CADM1: variants seen among roughly 807,000 people sequenced by gnomAD.
CADM1 encodes cell adhesion molecule 1.
In CADM1, 15 loss-of-function variants were observed where a neutral mutation model predicts 53.1. That is an observed-to-expected ratio of 0.28 (90% CI 0.19 to 0.44). CADM1 has a LOEUF of 0.44. Ranked by LOEUF, CADM1 falls within the 20% of genes least tolerant of loss-of-function variation. CADM1 has a pLI of 1.00. For synonymous variants in CADM1, 281 were observed against 243.0 expected, an observed-to-expected ratio of 1.16 and a Z score of -1.45; for missense variants, 434 against 611.3, an observed-to-expected ratio of 0.71 and a Z score of 3.06.
chr11:115,218,759 T>C (rs1431701867), intron 5 of CADM1, among the ~76,000 whole-genome samples: 1 of 152,142 alleles, frequency 6.6e-6, no homozygotes, highest in African/African-American at 2.4e-5. Context: ...AAGCCAGGTA[T>C]AGCTTCCTAA....
intron 5 of CADM1, among the ~76,000 whole-genome samples, chr11:115,224,490 T>C (rs955030940): frequency 1.6e-4 from 24 of 152,250 alleles, no homozygotes; most frequent in African/African-American, 5.8e-4. Context: ...TTTTCAAAAC[T>C]CATCTCTGAG....
chr11:115,265,138 A>C (rs145803987), intron 1 of CADM1, among the ~76,000 whole-genome samples: 1 of 152,316 alleles, frequency 6.6e-6, no homozygotes, highest in East Asian at 1.9e-4. Context: ...CCCCTTCTTG[A>C]ATATACACAC....
rs918879083 is a variant in CADM1, at chr11:115,384,979, T to G, written c.124+119292A>C. The stretch of plus-strand genomic sequence containing the variant: ...AGCTAAAAGACATTTACCATCCATC[T>G]TTCTTAACATTCCTAATCTAAATAG... On this transcript the variant is annotated intron_variant, in intron 1 of 11. Coordinates refer to ENST00000331581, the MANE Select transcript of CADM1 (RefSeq NM_001301043.2). Among the ~76,000 whole-genome samples, 15 of 152,320 alleles carry G rather than the reference T, an allele frequency of 9.8e-5. No homozygotes were observed. The East Asian group carries it at 2.9e-3, about 29-fold the overall frequency.
At chr11:115,445,988 A>G (rs1441433373) in intron 1 of CADM1, among the ~76,000 whole-genome samples, 3 of 152,248 alleles carry the variant, frequency 2.0e-5, no homozygotes, top group African/African-American at 7.2e-5. Context: ...TAAAGATTCA[A>G]CTTGGAAAGG....
chr11:115,194,692 G>A (rs1940064632), intron 9 of CADM1, among the ~76,000 whole-genome samples: 1 of 151,982 alleles, frequency 6.6e-6, no homozygotes, highest in African/African-American at 2.4e-5. Flanking sequence ...AGAGAGAGAC[G>A]GAGACAGAGA....
intron 1 of CADM1, among the ~76,000 whole-genome samples, chr11:115,350,228 C>T (rs1320717900): frequency 6.6e-6 from 1 of 152,248 alleles, no homozygotes; most frequent in Non-Finnish European, 1.5e-5. Flanking sequence ...GCCTCAGCCT[C>T]CCAAAGTTCT....
Position 115,173,571 on chromosome 11 carries a change from A to C in CADM1, c.*2903T>G, listed in dbSNP as rs1938874124. 2 of 185,732 alleles carry C rather than the reference A, an allele frequency of 1.1e-5. No individual in the cohort carries two copies. The highest frequency in any genetic ancestry group is 2.0e-5 in the Non-Finnish European group (2 of 98,676). The allele number at this position is 185,732 out of a possible 1,614,324, so 11.5% of individuals were successfully genotyped here. On this transcript the variant is annotated 3_prime_UTR_variant, in exon 12 of 12. Coordinates refer to ENST00000331581, the MANE Select transcript of CADM1 (RefSeq NM_001301043.2). ...AGGAGGAAGCTGGGACCAGAGGCCC[A>C]TCTCTTCTCTCACTCGGAGGCGTCC...
At chr11:115,472,469 G>C (rs1949038942) in intron 1 of CADM1, among the ~76,000 whole-genome samples, 2 of 152,184 alleles carry the variant, frequency 1.3e-5, no homozygotes, top group African/African-American at 2.4e-5. Flanking sequence ...GTGTGTGTGA[G>C]AGAGAGTGCA....
intron 1 of CADM1, among the ~76,000 whole-genome samples, chr11:115,464,508 A>C (rs1173308580): frequency 6.6e-6 from 1 of 152,188 alleles, no homozygotes; most frequent in African/African-American, 2.4e-5. Context: ...CCCACAATCC[A>C]CATCTGCAGT....
At chr11:115,214,847 C>T (rs1941111057) in intron 6 of CADM1, 67 bp from the exon 7 acceptor site, 1 of 1,424,338 alleles carries the variant, frequency 7.0e-7, no homozygotes, top group South Asian at 1.1e-5. Context: ...TGCTCACCCA[C>T]ATGCAGGGTG....
intron 10 of CADM1, among the ~76,000 whole-genome samples, chr11:115,186,440 C>G (rs1031825615): frequency 1.3e-5 from 2 of 152,086 alleles, no homozygotes; most frequent in African/African-American, 2.4e-5. Context: ...TCCCCGGGTG[C>G]GCACAGTGAA....
intron 1 of CADM1, among the ~76,000 whole-genome samples, chr11:115,330,781 T>C (rs1325151413): frequency 6.6e-6 from 1 of 152,096 alleles, no homozygotes; most frequent in Non-Finnish European, 1.5e-5. Flanking sequence ...TGGAAGCAGG[T>C]GCAAATCCTG....
chr11:115,473,001 A>G (rs903227299), intron 1 of CADM1, among the ~76,000 whole-genome samples: 5 of 152,220 alleles, frequency 3.3e-5, no homozygotes, highest in Admixed American at 3.3e-4. Flanking sequence ...AAGCAAAATA[A>G]CTAAGGTAAG....
intron 1 of CADM1, among the ~76,000 whole-genome samples, chr11:115,255,904 T>C (rs1414701722): frequency 6.6e-6 from 1 of 152,186 alleles, no homozygotes; most frequent in East Asian, 1.9e-4. Flanking sequence ...GCTAGCTGAC[T>C]GTAACCAATG....
At chr11:115,395,264 A>T (rs1430693831) in intron 1 of CADM1, among the ~76,000 whole-genome samples, 2 of 152,344 alleles carry the variant, frequency 1.3e-5, no homozygotes, top group Non-Finnish European at 2.9e-5. Context: ...ACAGAAAACA[A>T]ACAAATTCTT....
At chr11:115,275,441 T>C (rs542806701) in intron 1 of CADM1, among the ~76,000 whole-genome samples, 10 of 152,332 alleles carry the variant, frequency 6.6e-5, no homozygotes, top group African/African-American at 1.4e-4. Flanking sequence ...CCTTAGGAGA[T>C]AGATGCTTTA....
At chr11:115,289,513 C>A (rs1418236269) in intron 1 of CADM1, among the ~76,000 whole-genome samples, 1 of 151,926 alleles carries the variant, frequency 6.6e-6, no homozygotes, top group Non-Finnish European at 1.5e-5. Flanking sequence ...TCTGCACTGT[C>A]CAATATGGTA....
intron 1 of CADM1, among the ~76,000 whole-genome samples, chr11:115,306,753 G>A (rs35086094): frequency 0.019 from 2,926 of 152,028 alleles, 39 homozygotes; most frequent in Non-Finnish European, 0.03. Flanking sequence ...TAATACAAGG[G>A]AAATTTCTGG....
intron 3 of CADM1, among the ~76,000 whole-genome samples, chr11:115,232,959 A>C (rs912334469): frequency 3.9e-5 from 6 of 152,260 alleles, no homozygotes; most frequent in Non-Finnish European, 7.3e-5. Flanking sequence ...GCTTCAATAA[A>C]TTATGGTATT....
Sources: gnomAD v4.1 joint callset for allele counts (sites outside exome capture counted in the v4.1 genomes callset) on GRCh38, gnomAD v4.1.1 for gene constraint, MANE v1.5 for transcripts, NCBI Gene and HGNC (gene_info 2026-07-23, HGNC 2026-07-21) for gene names.